MLLT3: variants seen among roughly 807,000 people sequenced by gnomAD.
MLLT3 encodes the protein MLLT3 super elongation complex subunit.
In MLLT3, 4 loss-of-function variants were observed where a neutral mutation model predicts 53.2. The observed-to-expected ratio is 0.08, with a 90% CI of 0.04 to 0.17. The LOEUF (loss-of-function observed/expected upper bound fraction) is 0.17. Ranked by LOEUF, MLLT3 falls within the 10% of genes least tolerant of loss-of-function variation. The pLI, the probability that MLLT3 is intolerant of heterozygous loss-of-function variation, is 1.00. For missense variants in MLLT3, 569 were observed against 684.0 expected (o/e 0.83, Z 1.87); for synonymous variants, 283 against 230.6 (o/e 1.23, Z -2.06).
intron 4 of MLLT3, among the ~76,000 whole-genome samples, chr9:20,435,228 G>A (rs1823372608): frequency 6.6e-6 from 1 of 151,984 alleles, no homozygotes; most frequent in South Asian, 2.1e-4. Flanking sequence ...TTCTTTTTTA[G>A]AGACAGGGTC....
chr9:20,420,795 A>G (rs1198482919), intron 4 of MLLT3, among the ~76,000 whole-genome samples: 1 of 152,204 alleles, frequency 6.6e-6, no homozygotes, highest in African/African-American at 2.4e-5. Context: ...TGCTGCACCC[A>G]TTAACTTGTC....
chr9:20,514,858 G>A (rs1327746126), intron 2 of MLLT3, among the ~76,000 whole-genome samples: 4 of 151,962 alleles, frequency 2.6e-5, no homozygotes, highest in Non-Finnish European at 4.4e-5. Context: ...TGTGTTCTAG[G>A]AAGTGAAATG....
At chr9:20,461,620 A>AT (rs961217912) in intron 2 of MLLT3, among the ~76,000 whole-genome samples, 29 of 151,880 alleles carry the variant, frequency 1.9e-4, no homozygotes, top group Admixed American at 1.5e-3. Context: ...AATAGGAACT[A>AT]TTTTTTTAGC....
intron 2 of MLLT3, among the ~76,000 whole-genome samples, chr9:20,479,850 C>T (rs1267285665): frequency 1.3e-5 from 2 of 152,250 alleles, no homozygotes; most frequent in African/African-American, 4.8e-5. Flanking sequence ...AATAATGCAT[C>T]ACAATGGCTT....
intron 5 of MLLT3, among the ~76,000 whole-genome samples, chr9:20,378,682 A>G (rs1821834586): frequency 6.6e-6 from 1 of 152,094 alleles, no homozygotes. Context: ...GTTTATAATC[A>G]GTCTAAATGT....
intron 2 of MLLT3, among the ~76,000 whole-genome samples, chr9:20,551,645 T>C (rs1271827478): frequency 6.6e-6 from 1 of 152,124 alleles, no homozygotes; most frequent in Non-Finnish European, 1.5e-5. Flanking sequence ...AAAAAAAACT[T>C]GCTCATTGAT....
At position 20,622,402 on chromosome 9, in the gene MLLT3, C is replaced by T. The variant is rs1057457277; in HGVS notation, c.-146G>A. ...GATGGCGGACATTCTCTGCCTTTTTCCCCCCGCGCTCGCTTGCTCGCTCGC... is the reference window on the plus strand; with the variant it reads ...GATGGCGGACATTCTCTGCCTTTTTTCCCCCGCGCTCGCTTGCTCGCTCGC... On this transcript the variant is annotated 5_prime_UTR_variant, in exon 1 of 11. Transcript: ENST00000380338. 6.8e-6 allele frequency: 5 copies of T among 732,616 alleles called. No homozygotes were observed. The highest frequency in any genetic ancestry group is 3.7e-5 in the African/African-American group (2 of 54,438). 45.4% of individuals were successfully genotyped at this position (732,616 alleles called of 1,614,324 possible). A position where few individuals can be genotyped will look rare whatever the true frequency, so the allele number is the denominator to read the frequency against.
intron 2 of MLLT3, among the ~76,000 whole-genome samples, chr9:20,541,587 T>C (rs1227657401): frequency 6.6e-6 from 1 of 152,070 alleles, no homozygotes; most frequent in Non-Finnish European, 1.5e-5. Flanking sequence ...GAACTCACTA[T>C]CATAAGGCCC....
At chr9:20,362,609 G>C (rs1821351913) in intron 7 of MLLT3, 1 of 151,246 alleles carries the variant, frequency 6.6e-6, no homozygotes, top group South Asian at 2.1e-4. Context: ...CAGTCACTGA[G>C]ATATCTAATG....
intron 2 of MLLT3, among the ~76,000 whole-genome samples, chr9:20,487,646 C>T (rs1824848195): frequency 6.6e-6 from 1 of 152,098 alleles, no homozygotes; most frequent in Admixed American, 6.6e-5. Context: ...ACAACGTATC[C>T]ACAATCCAAG....
chr9:20,371,539 A>T lies in MLLT3; in HGVS notation c.1126-5795T>A, dbSNP rs1363244636. Among the ~76,000 whole-genome samples, 8 of 152,356 alleles carry T rather than the reference A, an allele frequency of 5.3e-5. No homozygotes were observed. The East Asian group carries it at 1.5e-3, about 29-fold the overall frequency. ...ATGCTAAATCTACTTTGCCTGCGCTATAGGAATGGAACAACAAAACCTGGA... is the reference window on the plus strand; with the variant it reads ...ATGCTAAATCTACTTTGCCTGCGCTTTAGGAATGGAACAACAAAACCTGGA... On this transcript the variant is annotated intron_variant, in intron 5 of 10. Transcript: ENST00000380338.
chr9:20,529,227 A>G (rs529681022), intron 2 of MLLT3, among the ~76,000 whole-genome samples: 1 of 152,254 alleles, frequency 6.6e-6, no homozygotes, highest in East Asian at 1.9e-4. Flanking sequence ...GGTTTGAAAA[A>G]CCACTAGCCC....
intron 2 of MLLT3, among the ~76,000 whole-genome samples, chr9:20,485,190 T>C (rs921038170): frequency 7.9e-5 from 12 of 152,106 alleles, no homozygotes; most frequent in African/African-American, 2.9e-4. Context: ...GGTTTCACCA[T>C]GTTAGGCACG....
At chr9:20,546,716 T>C (rs1818797993) in intron 2 of MLLT3, among the ~76,000 whole-genome samples, 1 of 152,200 alleles carries the variant, frequency 6.6e-6, no homozygotes, top group Non-Finnish European at 1.5e-5. Context: ...CGGAGATCCA[T>C]TCCTTAACTA....
At chr9:20,433,364 T>C (rs1823324685) in intron 4 of MLLT3, among the ~76,000 whole-genome samples, 2 of 152,074 alleles carry the variant, frequency 1.3e-5, no homozygotes, top group South Asian at 4.1e-4. Flanking sequence ...ATTGAAAAAA[T>C]ATATACCCAT....
chr9:20,351,632 C>A (rs569135543), intron 10 of MLLT3, among the ~76,000 whole-genome samples: 2 of 152,084 alleles, frequency 1.3e-5, no homozygotes, highest in East Asian at 1.9e-4. Context: ...CAAATAAAAT[C>A]GTCAGGCCAG....
intron 2 of MLLT3, among the ~76,000 whole-genome samples, chr9:20,578,505 G>A (rs1057005929): frequency 6.0e-5 from 9 of 151,158 alleles, no homozygotes; most frequent in South Asian, 4.2e-4. Flanking sequence ...CAGAAACTAC[G>A]TCTCTAAAAA....
chr9:20,342,297 T>C lies in MLLT3; in HGVS notation c.*4146A>G. ...ATGGATTTTAGAGAAGGGAAATACA[T>C]CTTACAGTGTGCCTTGAATTCACAC... On this transcript the variant is annotated 3_prime_UTR_variant, in exon 11 of 11. Coordinates refer to ENST00000380338, the MANE Select transcript of MLLT3 (RefSeq NM_004529.4). 1 of 224,314 alleles carries C rather than the reference T, an allele frequency of 4.5e-6. No homozygotes were observed. Among genetic ancestry groups the C allele is most frequent in the Non-Finnish European group, 8.9e-6 (1 of 112,536 alleles). 13.9% of individuals were successfully genotyped at this position (224,314 alleles called of 1,614,324 possible). A position where few individuals can be genotyped will look rare whatever the true frequency, so the allele number is the denominator to read the frequency against.
At chr9:20,551,282 AACTC>A (rs778042452) in intron 2 of MLLT3, among the ~76,000 whole-genome samples, 14 of 152,220 alleles carry the variant, frequency 9.2e-5, no homozygotes, top group African/African-American at 1.4e-4. Flanking sequence ...TATATTTGAT[AACTC>A]ACTGAGCTGC....
Sources: allele counts gnomAD v4.1 joint callset (sites outside exome capture counted in the v4.1 genomes callset), GRCh38; gene constraint gnomAD v4.1.1; transcripts MANE v1.5; gene names NCBI Gene and HGNC (gene_info 2026-07-23, HGNC 2026-07-21).